Variants in KIF13B observed in about 807,000 individuals in gnomAD.
KIF13B encodes the protein kinesin-like protein KIF13B.
In KIF13B, 127 loss-of-function variants were observed where a neutral mutation model predicts 222.0. That is an observed-to-expected ratio of 0.57 (90% CI 0.50 to 0.66). The LOEUF (loss-of-function observed/expected upper bound fraction) is 0.66, where lower values mean the gene tolerates loss of function less well. Among genes scored for constraint, KIF13B ranks in the 30% least tolerant of loss-of-function variants. The pLI, the probability that KIF13B is intolerant of heterozygous loss-of-function variation, is 0.00. For missense variants in KIF13B, 2,173 were observed against 2,379.0 expected, an observed-to-expected ratio of 0.91 and a Z score of 1.80; for synonymous variants, 976 against 919.0, an observed-to-expected ratio of 1.06 and a Z score of -1.12.
intron 2 of KIF13B, 59 bp downstream of exon 2, chr8:29,245,287 C>T (rs994200377): frequency 6.1e-6 from 7 of 1,143,904 alleles, no homozygotes; most frequent in Non-Finnish European, 6.4e-6. Context: ...AATTCAGCAG[C>T]CACAGTTGCT....
At chr8:29,099,740 C>A (rs556840950) in intron 35 of KIF13B, among the ~76,000 whole-genome samples, 3 of 152,258 alleles carry the variant, frequency 2.0e-5, no homozygotes, top group Non-Finnish European at 4.4e-5. Flanking sequence ...TCATACCCCC[C>A]CACACACATT....
At chr8:29,179,128 ATT>A (rs5890442) in intron 8 of KIF13B, among the ~76,000 whole-genome samples, 2 of 149,192 alleles carry the variant, frequency 1.3e-5, no homozygotes, top group South Asian at 4.2e-4. Flanking sequence ...ATCAGCTAGA[ATT>A]TTTTTTTTTT....
chr8:29,228,142 C>T (rs1238869348), intron 2 of KIF13B, among the ~76,000 whole-genome samples: 1 of 151,100 alleles, frequency 6.6e-6, no homozygotes, highest in Non-Finnish European at 1.5e-5. Context: ...TGGTAAAGTG[C>T]ATAGTGTTGA....
At chr8:29,194,366 G>A (rs1053023148) in intron 3 of KIF13B, among the ~76,000 whole-genome samples, 1 of 150,760 alleles carries the variant, frequency 6.6e-6, no homozygotes, top group African/African-American at 2.4e-5. Context: ...AATTTGAGTC[G>A]AGAGGCTATT....
In KIF13B at chr8:29,113,544, C is replaced by G. The variant is rs1218895759; in HGVS notation, c.3849G>C (p.Gln1283His). The G allele has an allele frequency of 6.3e-7, 1 of 1,578,886 alleles. No individual in the cohort carries two copies. The highest frequency in any genetic ancestry group is 1.2e-5 in the South Asian group (1 of 86,152). Residue 1283 changes from glutamine (Q) to histidine (H), a missense_variant, in exon 32 of 40, where the codon CAG becomes CAC. By Grantham distance (24) the Gln-to-His change is conservative. This residue lies in a region of KIF13B where 1,480 missense variants were observed against 1,722.8 expected (regional missense o/e 0.86). Transcript: ENST00000524189. ...VNVHGRQGFAQSLLKKMSHRS... is the reference protein window; with the variant it reads ...VNVHGRQGFAHSLLKKMSHRS... Reference sequence around the variant, plus strand: ...GATGAGACATCTTTTTTAGGAGACTCTGTGCAAAACCCTAGAGAAAAACAA... The same window carrying G: ...GATGAGACATCTTTTTTAGGAGACTGTGTGCAAAACCCTAGAGAAAAACAA...
intron 2 of KIF13B, among the ~76,000 whole-genome samples, chr8:29,198,045 T>A (rs1235300305): frequency 2.0e-5 from 3 of 152,220 alleles, no homozygotes; most frequent in African/African-American, 7.2e-5. Context: ...TCTCCTGAGA[T>A]TTTCTTCTAA....
At chr8:29,200,090 T>C (rs1178511943) in intron 2 of KIF13B, among the ~76,000 whole-genome samples, 1 of 152,160 alleles carries the variant, frequency 6.6e-6, no homozygotes, top group Non-Finnish European at 1.5e-5. Flanking sequence ...ATTCACATCA[T>C]CATAATAAAA....
chr8:29,126,277 A>G (rs1810105047), intron 26 of KIF13B, among the ~76,000 whole-genome samples: 1 of 152,186 alleles, frequency 6.6e-6, no homozygotes, highest in Admixed American at 6.5e-5. Context: ...AAAGGATCTC[A>G]GTCACGAATG....
At chr8:29,252,010 AG>A (rs1173675858) in intron 1 of KIF13B, among the ~76,000 whole-genome samples, 2 of 151,932 alleles carry the variant, frequency 1.3e-5, no homozygotes, top group African/African-American at 4.8e-5. Context: ...AAGGAAAGAA[AG>A]GAAAAAAAAG....
chr8:29,215,061 C>T (rs1218894935), intron 2 of KIF13B, among the ~76,000 whole-genome samples: 4 of 152,146 alleles, frequency 2.6e-5, no homozygotes, highest in Non-Finnish European at 5.9e-5. Context: ...TCTCCAGGAC[C>T]TGTTGCTCCG....
chr8:29,096,362 C>T (rs1808530690), intron 36 of KIF13B, among the ~76,000 whole-genome samples: 1 of 130,224 alleles, frequency 7.7e-6, no homozygotes, highest in African/African-American at 2.9e-5. Context: ...TACAGTGATG[C>T]AATTGTGCCT....
intron 37 of KIF13B, among the ~76,000 whole-genome samples, chr8:29,079,848 AG>A (rs1258539284): frequency 6.6e-6 from 1 of 152,244 alleles, no homozygotes; most frequent in Non-Finnish European, 1.5e-5. Flanking sequence ...TTTAAATCCA[AG>A]TATAGAAAAT....
chr8:29,165,298 T>C (rs1357533895), intron 12 of KIF13B, among the ~76,000 whole-genome samples: 2 of 152,180 alleles, frequency 1.3e-5, no homozygotes, highest in Non-Finnish European at 2.9e-5. Context: ...TTTTTTTTTC[T>C]TGGCCACATG....
chr8:29,153,615 G>C (rs990525703), intron 14 of KIF13B, among the ~76,000 whole-genome samples: 1 of 150,962 alleles, frequency 6.6e-6, no homozygotes, highest in Non-Finnish European at 1.5e-5. Flanking sequence ...AGGATATCAA[G>C]TACAATTTTT....
At chr8:29,106,069 T>C (rs1455005091) in intron 35 of KIF13B, among the ~76,000 whole-genome samples, 1 of 152,190 alleles carries the variant, frequency 6.6e-6, no homozygotes, top group Non-Finnish European at 1.5e-5. Context: ...TTCTTATATT[T>C]TCCTTAAGAT....
chr8:29,186,710 G>A (rs1477267928), intron 5 of KIF13B, among the ~76,000 whole-genome samples: 4 of 152,028 alleles, frequency 2.6e-5, no homozygotes, highest in Non-Finnish European at 5.9e-5. Context: ...GTAATTCCCA[G>A]CACTTTGGGA....
chr8:29,180,573 G>A (rs1178142268), intron 7 of KIF13B, among the ~76,000 whole-genome samples: 1 of 152,112 alleles, frequency 6.6e-6, no homozygotes. Flanking sequence ...CTTTAATACA[G>A]AAGCAATACA....
At chr8:29,244,235 G>C (rs190194185) in intron 2 of KIF13B, among the ~76,000 whole-genome samples, 415 of 152,234 alleles carry the variant, frequency 2.7e-3, no homozygotes, top group African/African-American at 9.4e-3. Context: ...GGATGGTCTC[G>C]ATCTCCTGAC....
chr8:29,108,065 C>T, intron 35 of KIF13B, 74 bp downstream of exon 35: 1 of 1,323,794 alleles, frequency 7.6e-7, no homozygotes, highest in South Asian at 1.3e-5. Context: ...CAAAAATAAC[C>T]TGAGATTTGA....
Sources: gnomAD v4.1 joint callset for allele counts (sites outside exome capture counted in the v4.1 genomes callset) on GRCh38, gnomAD v4.1.1 for gene constraint, gnomAD v4.1.1 regional missense constraint, MANE v1.5 for transcripts, NCBI Gene and HGNC (gene_info 2026-07-23, HGNC 2026-07-21) for gene names.